Variants in AKAP10 observed in about 807,000 individuals in gnomAD.
AKAP10 encodes the protein A-kinase anchor protein 10, mitochondrial.
In AKAP10, 24 loss-of-function variants were observed where a neutral mutation model predicts 80.8. That is an observed-to-expected ratio of 0.30 (90% CI 0.22 to 0.42). The LOEUF (loss-of-function observed/expected upper bound fraction) is 0.42, where lower values mean the gene tolerates loss of function less well. Among genes scored for constraint, AKAP10 ranks in the 10% least tolerant of loss-of-function variants. AKAP10 has a pLI of 1.00. For missense variants in AKAP10, 661 were observed against 794.9 expected, an observed-to-expected ratio of 0.83 and a Z score of 2.03; for synonymous variants, 291 against 277.7, an observed-to-expected ratio of 1.05 and a Z score of -0.48.
At chr17:19,941,476 A>T (rs1237160924) in intron 6 of AKAP10, among the ~76,000 whole-genome samples, 1 of 152,248 alleles carries the variant, frequency 6.6e-6, no homozygotes, top group East Asian at 1.9e-4. Flanking sequence ...CCTAACTAAC[A>T]AATTAGGAGA....
chr17:19,968,808 A>G (rs2043457092), intron 1 of AKAP10, among the ~76,000 whole-genome samples: 1 of 152,204 alleles, frequency 6.6e-6, no homozygotes, highest in Non-Finnish European at 1.5e-5. Flanking sequence ...TAGGTCAATA[A>G]TAAAAACTAC....
intron 1 of AKAP10, among the ~76,000 whole-genome samples, chr17:19,970,176 C>T (rs909503095): frequency 6.6e-6 from 1 of 152,142 alleles, no homozygotes; most frequent in Non-Finnish European, 1.5e-5. Flanking sequence ...CTGTTCCTAC[C>T]TCAGTCTTCA....
chr17:19,918,511 A>G lies in AKAP10; in HGVS notation c.1834+1525T>C, dbSNP rs142191649. On this transcript the variant is annotated intron_variant, in intron 12 of 14. Coordinates refer to ENST00000225737, the MANE Select transcript of AKAP10 (RefSeq NM_007202.4). Reference sequence around the variant, plus strand: ...CACGCCTGGCTAATTTAGTAGAGACAGGGTTTCACCATGTTGGCCAGGATG... The same window carrying G: ...CACGCCTGGCTAATTTAGTAGAGACGGGGTTTCACCATGTTGGCCAGGATG... 5.3e-3 allele frequency among the ~76,000 whole-genome samples: 804 copies of G among 152,094 alleles called. 16 individuals carry two copies. The East Asian group carries it at 0.074, about 14-fold the overall frequency.
chr17:19,927,234 T>C (rs1241496890), intron 10 of AKAP10, among the ~76,000 whole-genome samples: 1 of 152,070 alleles, frequency 6.6e-6, no homozygotes, highest in African/African-American at 2.4e-5. Context: ...TTCAGGAGGC[T>C]GAAGTAAGAG....
chr17:19,918,196 G>A (rs1348844349), intron 12 of AKAP10, among the ~76,000 whole-genome samples: 1 of 150,308 alleles, frequency 6.7e-6, no homozygotes, highest in African/African-American at 2.5e-5. Flanking sequence ...CTCCAGCTCT[G>A]GGCGACACAG....
chr17:19,953,881 A>C (rs1008247997), intron 4 of AKAP10, among the ~76,000 whole-genome samples: 8 of 152,046 alleles, frequency 5.3e-5, no homozygotes, highest in Admixed American at 2.0e-4. Flanking sequence ...AAAATACAAA[A>C]ATTAGTCGGG....
chr17:19,961,025 T>TAAAC (rs113388174), intron 3 of AKAP10, among the ~76,000 whole-genome samples: 14,854 of 146,490 alleles, frequency 0.1, 776 homozygotes, highest in Non-Finnish European at 0.12. Context: ...TACAAATAAA[T>TAAAC]AAACAAACAA....
rs1349942879 is a variant in AKAP10 at position 19,906,188 on chromosome 17, A to G, written c.*39T>C. The G allele has an allele frequency of 5.6e-6, 9 of 1,596,550 alleles. No homozygotes were observed. Among genetic ancestry groups the G allele is most frequent in the Non-Finnish European group, 7.7e-6 (9 of 1,167,458 alleles). ...CCAACCAAGGGAAAAAAGTTCTCTT[A>G]TTTTTCACAAGCAGATTTCCTTTAT... On this transcript the variant is annotated 3_prime_UTR_variant, in exon 15 of 15. Coordinates refer to ENST00000225737, the MANE Select transcript of AKAP10 (RefSeq NM_007202.4).
chr17:19,948,941 C>T (rs2043167501), intron 4 of AKAP10, among the ~76,000 whole-genome samples: 1 of 152,124 alleles, frequency 6.6e-6, no homozygotes, highest in African/African-American at 2.4e-5. Context: ...AGGTCAACTG[C>T]TTGTTAAAGC....
intron 4 of AKAP10, among the ~76,000 whole-genome samples, chr17:19,949,177 CAAAT>C (rs1567767758): frequency 2.6e-5 from 4 of 151,830 alleles, no homozygotes; most frequent in African/African-American, 7.2e-5. Context: ...ACTCCTGAAA[CAAAT>C]AAGAGTTTCA....
rs2042852699 is a variant in AKAP10, at chr17:19,924,431, A to G, written c.1728T>C (p.Ser576=). ...IVDAASLDPE[S]LYQRTYAGKM... ...ACCCGGCATATGTCCGTTGATATAA[A>G]GATTCTGGATCCAGACTTGCCGCAT... Residue 576 remains serine (S), a synonymous_variant, in exon 11 of 15, where the codon TCT becomes TCC. Transcript: ENST00000225737. 6.2e-7 allele frequency: 1 copy of G among 1,604,598 alleles called. No homozygotes were observed. Among genetic ancestry groups the G allele is most frequent in the Non-Finnish European group, 8.5e-7 (1 of 1,174,760 alleles).
chr17:19,909,028 A>G, intron 14 of AKAP10, 153 bp downstream of exon 14: 1 of 622,860 alleles, frequency 1.6e-6, no homozygotes, highest in Non-Finnish European at 2.7e-6. Context: ...CAGTTGTTTC[A>G]TTTAGTTTGT....
In AKAP10 at chr17:19,958,288, A is replaced by C. The variant is rs756030631; in HGVS notation, c.603T>G (p.Asp201Glu). ...KHETTASFLT[D>E]SLDKRLEDSG... ...AATCCTCCAATCTCTTATCAAGAGA[A>C]TCAGTTAAAAAAGACGCTGTAGTTT... The change falls in exon 4 of 15, where the codon GAT becomes GAG. Residue 201 changes from aspartate (D) to glutamate (E), a missense_variant. By Grantham distance (45) the Asp-to-Glu change is conservative. Transcript: ENST00000225737. 6.2e-7 allele frequency: 1 copy of C among 1,614,194 alleles called. No individual in the cohort carries two copies. The highest frequency in any genetic ancestry group is 2.2e-5 in the East Asian group (1 of 44,884).
chr17:19,912,025 C>A (rs1313988690), intron 12 of AKAP10, among the ~76,000 whole-genome samples: 1 of 152,110 alleles, frequency 6.6e-6, no homozygotes, highest in East Asian at 1.9e-4. Context: ...CATCATTTTA[C>A]AATTCCTTCT....
At chr17:19,951,897 TA>T (rs1172838846) in intron 4 of AKAP10, among the ~76,000 whole-genome samples, 3 of 57,744 alleles carry the variant, frequency 5.2e-5, no homozygotes, top group African/African-American at 1.3e-4. Context: ...CAACAAATAC[TA>T]AAAAAAAATA....
chr17:19,938,237 AT>A (rs71157845), intron 8 of AKAP10, among the ~76,000 whole-genome samples: 97,170 of 135,962 alleles, frequency 0.71, 34,468 homozygotes, highest in East Asian at 0.89. Context: ...CTGAAAACCT[AT>A]TTTTTTTTTT....
chr17:19,965,011 A>C (rs181424361), intron 2 of AKAP10, among the ~76,000 whole-genome samples: 394 of 152,370 alleles, frequency 2.6e-3, no homozygotes, highest in South Asian at 4.6e-3. Flanking sequence ...TCTGTGGAGC[A>C]GATGAAAAAG....
intron 8 of AKAP10, among the ~76,000 whole-genome samples, chr17:19,937,967 C>T (rs1423471270): frequency 6.7e-6 from 1 of 149,342 alleles, no homozygotes; most frequent in East Asian, 2.0e-4. Context: ...GACAGGGGGA[C>T]TGGAAACCTT....
At position 19,940,965 on chromosome 17, in the gene AKAP10, C is replaced by G. The variant is rs143668235; in HGVS notation, c.1107G>C (p.Gln369His). 9.3e-6 allele frequency: 15 copies of G among 1,611,264 alleles called. No individual in the cohort carries two copies. The highest frequency in any genetic ancestry group is 1.7e-5 in the Admixed American group (1 of 59,062). Residue 369 changes from glutamine to histidine, a missense_variant, in exon 7 of 15, where the codon CAG becomes CAC. Gln to His is a conservative substitution (Grantham distance 24). Coordinates refer to ENST00000225737, the MANE Select transcript of AKAP10 (RefSeq NM_007202.4). Reference protein sequence around the residue: ...FLRSHHFCKYQIEVLTSGTVY... With the variant: ...FLRSHHFCKYHIEVLTSGTVY... ...CAGTTCCACTGGTCAGCACTTCAAT[C>G]TGGTATTTACAGAAATGGTGACTTC...
Sources: gnomAD v4.1 joint callset for allele counts (sites outside exome capture counted in the v4.1 genomes callset) on GRCh38, gnomAD v4.1.1 for gene constraint, MANE v1.5 for transcripts, NCBI Gene and HGNC (gene_info 2026-07-23, HGNC 2026-07-21) for gene names.